Variants in TTN observed in about 807,000 individuals in gnomAD.
The protein encoded by TTN is titin, also known as connectin.
TTN carries 1,525 observed loss-of-function variants against 3,223.0 expected under a neutral mutation model. The ratio of observed to expected loss-of-function variants is 0.47; its 90% CI spans 0.45 to 0.49. The LOEUF is 0.49. TTN is among the 20% of genes least tolerant of loss of function. The pLI, the probability that TTN is intolerant of heterozygous loss-of-function variation, is 0.00. For missense variants in TTN, 40,786 were observed against 43,424.0 expected, an observed-to-expected ratio of 0.94 and a Z score of 5.40; for synonymous variants, 14,094 against 15,161.0, an observed-to-expected ratio of 0.93 and a Z score of 5.17.
chr2:178,748,112 A>G (rs773945721), intron 47 of TTN: 5 of 1,613,064 alleles, frequency 3.1e-6, no homozygotes, highest in African/African-American at 2.7e-5. Flanking sequence ...CAAATGTGAG[A>G]TGGAACTTCT....
At position 178,549,307 on chromosome 2, in the gene TTN, T is replaced by C; in HGVS notation, c.92319A>G (p.Arg30773=). ...STRWVKVISK[R]PISETRFKVT... ...CTTTGAATCTTGTTTCAGAGATTGG[T>C]CGTTTGCTGATCACTTTTACCCATC... Residue 30773 remains arginine (R), a synonymous_variant, in exon 339 of 363, where the codon CGA becomes CGG. Transcript: ENST00000589042. The C allele has an allele frequency of 6.2e-7, 1 of 1,613,936 alleles. No individual in the cohort carries two copies. Among genetic ancestry groups the C allele is most frequent in the South Asian group, 1.1e-5 (1 of 91,084 alleles).
chr2:178,571,876 A>T lies in TTN; in HGVS notation c.74256T>A (p.Asp24752Glu). 1 of 1,613,510 alleles carries T rather than the reference A, an allele frequency of 6.2e-7. No homozygotes were observed. ...TAGTTGTCTGCTTCAGTGGTACATT[A>T]TCTTTATGCCAGGTTACAGCTGGGG... The part of the protein sequence containing the change: ...RPTPAVTWHK[D>E]NVPLKQTTRV... Residue 24752 changes from aspartate to glutamate, a missense_variant, in exon 326 of 363, where the codon GAT becomes GAA. Physicochemically the swap from Asp to Glu is conservative, Grantham distance 45. Transcript: ENST00000589042.
chr2:178,592,100 C>T lies in TTN; in HGVS notation c.59804G>A (p.Ser19935Asn). The T allele has an allele frequency of 1.9e-6, 3 of 1,612,972 alleles. No homozygotes were observed. The highest frequency in any genetic ancestry group is 2.5e-6 in the Non-Finnish European group (3 of 1,179,504). ...TTCATTCAGATGCTTAGCGAAGTGA[C>T]TCTTTTTCTTTGATGTAGCTGAGAG... ...SPLSATSKKK[S>N]HFAKHLNEGN... Residue 19935 changes from serine (S) to asparagine (N), a missense_variant, in exon 302 of 363, where the codon AGT becomes AAT. Coordinates refer to ENST00000589042, the MANE Select transcript of TTN (RefSeq NM_001267550.2).
At chr2:178,640,027 A>G (rs764892554) in intron 222 of TTN, 21 bp downstream of exon 222, 10 of 1,611,254 alleles carry the variant, frequency 6.2e-6, no homozygotes, top group Non-Finnish European at 8.5e-6. Context: ...TGCTGTTGAC[A>G]TTGAGGATAA....
chr2:178,757,786 G>A lies in TTN; in HGVS notation c.10434C>T (p.Asn3478=), dbSNP rs749590376. 1.1e-5 allele frequency: 18 copies of A among 1,613,550 alleles called. No individual in the cohort carries two copies. The highest frequency in any genetic ancestry group is 2.2e-5 in the East Asian group (1 of 44,876). ...IQPLSSLRVH[N]GETVRFHARV... is the part of the protein sequence containing the mutation. Reference sequence around the variant, plus strand: ...TCGCATGAAATCTGACTGTCTCCCCGTTGTGCACCCTGAGGCTTGACAGAG... The same window carrying A: ...TCGCATGAAATCTGACTGTCTCCCCATTGTGCACCCTGAGGCTTGACAGAG... The change falls in exon 45 of 363, where the codon AAC becomes AAT. Residue 3478 remains asparagine, a synonymous_variant. Transcript: ENST00000589042.
At position 178,552,888 on chromosome 2, in the gene TTN, G is replaced by A. The variant is rs1193053542; in HGVS notation, c.90012C>T (p.Phe30004=). 2 of 1,613,708 alleles carry A rather than the reference G, an allele frequency of 1.2e-6. No homozygotes were observed. The highest frequency in any genetic ancestry group is 3.3e-5 in the Admixed American group (2 of 59,978). The change falls in exon 335 of 363, where the codon TTC becomes TTT. Residue 30004 remains phenylalanine (F), a synonymous_variant. Transcript: ENST00000589042. The stretch of plus-strand genomic sequence containing the variant: ...TTTCATTTTCTGCAAGAACTCTGAA[G>A]AAGAATGGAGTCTTCTCCGACAAAT... The part of the protein sequence containing the change: ...LIDLSEKTPF[F]FRVLAENEIG...
chr2:178,800,337 AT>A, intron 4 of TTN, 57 bp downstream of exon 4: 1 of 1,609,340 alleles, frequency 6.2e-7, no homozygotes, highest in Non-Finnish European at 8.5e-7. Flanking sequence ...GCTTGGCCCC[AT>A]TTAGACACAA....
rs1478453765 is a variant in TTN at position 178,600,881 on chromosome 2, C to A, written c.56023G>T (p.Gly18675Cys). The stretch of plus-strand genomic sequence containing the variant: ...GTCTGGTCTTTGACAGTCACAGGGC[C>A]AACAGTGGCTGAAGGCTTGCTGACT... ...AGVSKPSATV[G>C]PVTVKDQTCP... The change falls in exon 288 of 363, where the codon GGC (glycine) becomes TGC (cysteine). Residue 18675 changes from glycine (G) to cysteine (C), a missense_variant. Gly to Cys is a radical substitution (Grantham distance 159). Coordinates refer to ENST00000589042, the MANE Select transcript of TTN (RefSeq NM_001267550.2). The A allele has an allele frequency of 2.5e-6, 4 of 1,612,622 alleles. No individual in the cohort carries two copies. Among genetic ancestry groups the A allele is most frequent in the Non-Finnish European group, 3.4e-6 (4 of 1,179,172 alleles).
Position 178,532,581 on chromosome 2 carries a change from T to G in TTN, c.104034A>C (p.Glu34678Asp). Residue 34678 changes from glutamate (E) to aspartate (D), a missense_variant, in exon 358 of 363, where the codon GAA becomes GAC. Physicochemically the swap from Glu to Asp is conservative, Grantham distance 45. Transcript: ENST00000589042. ...DDYLAMKRTE[E>D]ERLRLEEELE... is the part of the protein sequence containing the mutation. ...GCTCTTCTTCAAGACGCAGCCTCTC[T>G]TCCTCTGTTCTTTTCATTGCTAAGT... The G allele has an allele frequency of 6.2e-7, 1 of 1,613,970 alleles. No individual in the cohort carries two copies. Among genetic ancestry groups the G allele is most frequent in the Admixed American group, 1.7e-5 (1 of 60,026 alleles).
rs1689974565 is a variant in TTN, at chr2:178,533,222, T to C, written c.103393A>G (p.Ser34465Gly). Residue 34465 changes from serine to glycine, a missense_variant, in exon 358 of 363, where the codon AGT (serine) becomes GGT (glycine). By Grantham distance (56) the Ser-to-Gly change is moderately conservative (BLOSUM62 0). Coordinates refer to ENST00000589042, the MANE Select transcript of TTN (RefSeq NM_001267550.2). ...RLRYKKQEFK[S>G]KEEHERHVQK... ...ACGTGTCGCTCATGCTCCTCCTTAC[T>C]CTTGAATTCCTGTTTCTTGTACCTC... The C allele has an allele frequency of 6.2e-7, 1 of 1,613,944 alleles. No individual in the cohort carries two copies.
chr2:178,614,752 C>T lies in TTN; in HGVS notation c.48762G>A (p.Glu16254=). The stretch of plus-strand genomic sequence containing the variant: ...TCACATCGAGGAAGATTTCTGGGGC[C>T]TCTGAATTGGAAAAGATTATTTATG... The part of the protein sequence containing the change: ...TEEIQAVDTQ[E]APEIFLDVKL... The change falls in exon 261 of 363, where the codon GAG becomes GAA. Residue 16254 remains glutamate, a splice_region_variant and synonymous_variant. Transcript: ENST00000589042. 6.2e-7 allele frequency: 1 copy of T among 1,605,068 alleles called. No individual in the cohort carries two copies. The highest frequency in any genetic ancestry group is 8.5e-7 in the Non-Finnish European group (1 of 1,175,666).
chr2:178,653,015 T>A, intron 199 of TTN, 26 bp downstream of exon 199: 5 of 1,611,634 alleles, frequency 3.1e-6, no homozygotes, highest in Non-Finnish European at 4.2e-6. Flanking sequence ...TTCAGTCTTC[T>A]GAAGCCTAAA....
intron 22 of TTN, 98 bp from the exon 23 acceptor site, chr2:178,779,560 T>A: frequency 1.2e-6 from 1 of 836,060 alleles, no homozygotes; most frequent in Non-Finnish European, 1.9e-6. Context: ...AGTTTTTAGC[T>A]GGGAGAAGAA....
In TTN at chr2:178,582,972, G is replaced by C; in HGVS notation, c.65831C>G (p.Ser21944Cys). 1 of 1,550,844 alleles carries C rather than the reference G, an allele frequency of 6.4e-7. No homozygotes were observed. The highest frequency in any genetic ancestry group is 8.7e-7 in the Non-Finnish European group (1 of 1,146,032). ...TTTAAGCTTAATGGTGGCTGATTTA[G>C]AACCACTTGAATTTTCAGCAGTAAT... Reference protein sequence around the residue: ...YTITAENSSGSKSATIKLKVL... With the variant: ...YTITAENSSGCKSATIKLKVL... The change falls in exon 313 of 363, where the codon TCT (serine) becomes TGT (cysteine). Residue 21944 changes from serine (S) to cysteine (C), a missense_variant. Transcript: ENST00000589042.
At chr2:178,799,213 A>G in intron 6 of TTN, 1 of 439,978 alleles carries the variant, frequency 2.3e-6, no homozygotes, top group Admixed American at 3.5e-5. Flanking sequence ...TGCATTTCCC[A>G]AGATCACCCT....
intron 111 of TTN, among the ~76,000 whole-genome samples, chr2:178,700,088 C>T (rs947653251): frequency 1.3e-5 from 2 of 152,096 alleles, no homozygotes; most frequent in Non-Finnish European, 2.9e-5. Flanking sequence ...CATGTTGATA[C>T]TACCAGTCAA....
chr2:178,540,041 C>T (rs754395767), intron 351 of TTN, 27 bp downstream of exon 351: 1 of 1,594,472 alleles, frequency 6.3e-7, no homozygotes, highest in East Asian at 2.2e-5. Flanking sequence ...GCAATTATTG[C>T]AGAAAGCAAA....
At position 178,704,608 on chromosome 2, in the gene TTN, C is replaced by T. The variant is rs182332374; in HGVS notation, c.29864G>A (p.Arg9955Gln). 18 of 1,612,686 alleles carry T rather than the reference C, an allele frequency of 1.1e-5. No individual in the cohort carries two copies. The highest frequency in any genetic ancestry group is 2.2e-5 in the East Asian group (1 of 44,876). ...DKFEISIDGD[R>Q]HTLRVKNCQL... ...ACAGTTTTTGACTCTGAGTGTATGTCGGTCACCATCAATGCTTATTTCAAA... is the reference window on the plus strand; with the variant it reads ...ACAGTTTTTGACTCTGAGTGTATGTTGGTCACCATCAATGCTTATTTCAAA... Residue 9955 changes from arginine to glutamine, a missense_variant, in exon 105 of 363, where the codon CGA (arginine) becomes CAA (glutamine). Physicochemically the swap from Arg to Gln is conservative, Grantham distance 43 (BLOSUM62 1). Transcript: ENST00000589042.
intron 2 of TTN, 63 bp from the exon 3 acceptor site, chr2:178,802,404 C>A: frequency 6.5e-7 from 1 of 1,549,206 alleles, no homozygotes; most frequent in Non-Finnish European, 8.8e-7. Flanking sequence ...TCTGCTCTGT[C>A]CCATCATGTT....
Sources: gnomAD v4.1 joint callset for allele counts (sites outside exome capture counted in the v4.1 genomes callset) on GRCh38, gnomAD v4.1.1 for gene constraint, MANE v1.5 for transcripts, NCBI Gene and HGNC (gene_info 2026-07-23, HGNC 2026-07-21) for gene names.